SORCS3: variants seen among roughly 807,000 people sequenced by gnomAD.
SORCS3 encodes the protein sortilin related VPS10 domain containing receptor 3.
A neutral mutation model predicts 146.3 loss-of-function variants in SORCS3; 57 were observed. The observed-to-expected ratio is 0.39, with a 90% CI of 0.31 to 0.49. The LOEUF is 0.49. Among genes scored for constraint, SORCS3 ranks in the 20% least tolerant of loss-of-function variants. SORCS3 has a pLI of 0.92. For missense variants in SORCS3, 1,341 were observed against 1,575.5 expected (o/e 0.85, Z 2.52); for synonymous variants, 653 against 618.5 (o/e 1.06, Z -0.83).
intron 1 of SORCS3, among the ~76,000 whole-genome samples, chr10:104,722,416 C>A (rs1589472732): frequency 6.6e-6 from 1 of 152,106 alleles, no homozygotes; most frequent in East Asian, 1.9e-4. Context: ...CGATGTTCAT[C>A]AGGGATATTG....
intron 3 of SORCS3, among the ~76,000 whole-genome samples, chr10:104,976,503 C>T (rs376994855): frequency 1.7e-3 from 262 of 152,162 alleles, no homozygotes; most frequent in Non-Finnish European, 3.1e-3. Flanking sequence ...GTCAGTGTGG[C>T]GATTCCTCAG....
At chr10:104,800,367 A>G (rs2017611138) in intron 1 of SORCS3, among the ~76,000 whole-genome samples, 1 of 152,176 alleles carries the variant, frequency 6.6e-6, no homozygotes, top group Admixed American at 6.5e-5. Context: ...GAGTATTTTT[A>G]AGGCAGTGAA....
intron 1 of SORCS3, among the ~76,000 whole-genome samples, chr10:104,792,453 A>C (rs2017505970): frequency 6.6e-6 from 1 of 152,150 alleles, no homozygotes; most frequent in South Asian, 2.1e-4. Flanking sequence ...GCTTTGCTTC[A>C]CTAGCTAAGC....
At chr10:105,167,673 G>T (rs946000522) in intron 13 of SORCS3, among the ~76,000 whole-genome samples, 5 of 152,066 alleles carry the variant, frequency 3.3e-5, no homozygotes, top group Non-Finnish European at 5.9e-5. Context: ...GAAGAGGAGG[G>T]TTAGGTACAT....
chr10:105,236,002 T>C (rs1292856268), intron 20 of SORCS3, among the ~76,000 whole-genome samples: 3 of 152,138 alleles, frequency 2.0e-5, no homozygotes, highest in African/African-American at 7.2e-5. Context: ...AACTTATATT[T>C]AGCATGGGTT....
intron 1 of SORCS3, among the ~76,000 whole-genome samples, chr10:104,740,730 C>T (rs922379315): frequency 1.3e-5 from 2 of 152,078 alleles, no homozygotes; most frequent in Non-Finnish European, 2.9e-5. Flanking sequence ...TTCCTTGCTT[C>T]TGTGTGTCAA....
intron 1 of SORCS3, among the ~76,000 whole-genome samples, chr10:104,675,033 C>G (rs953269732): frequency 6.6e-6 from 1 of 152,162 alleles, no homozygotes; most frequent in African/African-American, 2.4e-5. Flanking sequence ...TTAGTAGATA[C>G]CACCAAGTAA....
In SORCS3 at chr10:105,237,020, A is replaced by G. The variant is rs376483180; in HGVS notation, c.2869-8522A>G. 3.3e-5 allele frequency among the ~76,000 whole-genome samples: 5 copies of G among 152,244 alleles called. No individual in the cohort carries two copies. The East Asian group carries it at 5.8e-4, about 18-fold the overall frequency. On this transcript the variant is annotated intron_variant, in intron 20 of 26. Coordinates refer to ENST00000369701, the MANE Select transcript of SORCS3 (RefSeq NM_014978.3). ...TTTTAAATTACATACTGGCATTATA[A>G]TTTTATGTTTTTTAATTAATGGTGA...
intron 1 of SORCS3, among the ~76,000 whole-genome samples, chr10:104,788,554 A>G (rs958522365): frequency 3.9e-5 from 6 of 152,198 alleles, no homozygotes; most frequent in Non-Finnish European, 8.8e-5. Context: ...CCACTAAGGA[A>G]GCTGTTGTTG....
At chr10:105,170,154 T>C (rs940493639) in intron 13 of SORCS3, among the ~76,000 whole-genome samples, 3 of 152,144 alleles carry the variant, frequency 2.0e-5, no homozygotes, top group Non-Finnish European at 4.4e-5. Context: ...GTTGGTTTTG[T>C]CAAATATTGG....
chr10:105,128,218 C>T (rs1036895946), intron 7 of SORCS3, among the ~76,000 whole-genome samples: 7 of 152,082 alleles, frequency 4.6e-5, no homozygotes, highest in Admixed American at 1.3e-4. Context: ...AGGCATGACC[C>T]GGAGAGCATG....
intron 25 of SORCS3, among the ~76,000 whole-genome samples, chr10:105,261,531 G>T (rs2056960414): frequency 1.3e-5 from 2 of 152,180 alleles, no homozygotes; most frequent in South Asian, 4.1e-4. Context: ...GCTTAAGCCT[G>T]TTAATGTTTG....
intron 2 of SORCS3, among the ~76,000 whole-genome samples, chr10:104,906,836 A>C (rs1345828868): frequency 6.6e-6 from 1 of 152,166 alleles, no homozygotes; most frequent in South Asian, 2.1e-4. Context: ...ACTTGGATAC[A>C]CTTTTGTTTG....
chr10:105,208,353 A>C (rs2056614853), intron 16 of SORCS3, among the ~76,000 whole-genome samples: 1 of 151,640 alleles, frequency 6.6e-6, no homozygotes, highest in South Asian at 2.1e-4. Flanking sequence ...AGAGGAAAAA[A>C]AAAAAAAAAA....
chr10:105,186,625 G>A (rs759602554), intron 14 of SORCS3, among the ~76,000 whole-genome samples: 5 of 152,042 alleles, frequency 3.3e-5, no homozygotes, highest in Admixed American at 6.5e-5. Flanking sequence ...GCTCACACCT[G>A]TAATCCCAGC....
chr10:104,741,090 T>G (rs1490909726), intron 1 of SORCS3, among the ~76,000 whole-genome samples: 1 of 151,644 alleles, frequency 6.6e-6, no homozygotes, highest in Non-Finnish European at 1.5e-5. Context: ...GCCTCCCAAG[T>G]AGCTGATACT....
chr10:105,194,022 A>C (rs1442811218), intron 14 of SORCS3, among the ~76,000 whole-genome samples: 15 of 152,152 alleles, frequency 9.9e-5, no homozygotes, highest in Non-Finnish European at 1.5e-5. Flanking sequence ...GGGAGTTATA[A>C]ATTTTAATTG....
chr10:104,644,228 C>T (rs2015464549), intron 1 of SORCS3, among the ~76,000 whole-genome samples: 1 of 152,232 alleles, frequency 6.6e-6, no homozygotes, highest in South Asian at 2.1e-4. Flanking sequence ...CCTTACTGCC[C>T]ATGCAAGAGC....
At position 105,199,988 on chromosome 10, in the gene SORCS3, T is replaced by A. The variant is rs1286298013; in HGVS notation, c.2010-11T>A. ...CCCCTTGTGTCTCCCACTCCTCCCC[T>A]AAACACTTAGAGTTTTTGGCCACTT... On this transcript the variant is annotated splice_polypyrimidine_tract_variant and intron_variant, in intron 14 of 26. Coordinates refer to ENST00000369701, the MANE Select transcript of SORCS3 (RefSeq NM_014978.3). The A allele has an allele frequency of 3.1e-6, 5 of 1,609,236 alleles. No individual in the cohort carries two copies. The highest frequency in any genetic ancestry group is 4.3e-6 in the Non-Finnish European group (5 of 1,175,920).
Sources: gnomAD v4.1 joint callset for allele counts (sites outside exome capture counted in the v4.1 genomes callset) on GRCh38, gnomAD v4.1.1 for gene constraint, MANE v1.5 for transcripts, NCBI Gene and HGNC (gene_info 2026-07-23, HGNC 2026-07-21) for gene names.